PRELID2: variants seen among roughly 807,000 people sequenced by gnomAD.
PRELID2 encodes PRELI domain containing 2.
In PRELID2, 25 loss-of-function variants were observed where a neutral mutation model predicts 28.4. The ratio of observed to expected loss-of-function variants is 0.88; its 90% CI spans 0.64 to 1.23. PRELID2 has a LOEUF of 1.23. Among genes scored for constraint, PRELID2 ranks in the 50% most tolerant of loss-of-function variants. The pLI is 0.00. For missense variants in PRELID2, 201 were observed against 214.4 expected, an observed-to-expected ratio of 0.94 and a Z score of 0.39; for synonymous variants, 76 against 71.6, an observed-to-expected ratio of 1.06 and a Z score of -0.31.
chr5:145,774,221 C>T (rs1221871427), intron 5 of PRELID2, among the ~76,000 whole-genome samples: 1 of 152,186 alleles, frequency 6.6e-6, no homozygotes, highest in Non-Finnish European at 1.5e-5. Flanking sequence ...TCACCATTTC[C>T]AGGTAAGAAA....
the PRELID2 span, among the ~76,000 whole-genome samples, chr5:145,332,952 G>T: frequency 1.3e-5 from 2 of 152,108 alleles, no homozygotes; most frequent in Admixed American, 1.3e-4. Flanking sequence ...TGGGGTTTTT[G>T]TATGGACGTC....
chr5:145,455,184 T>A, the PRELID2 span, among the ~76,000 whole-genome samples: 1 of 152,176 alleles, frequency 6.6e-6, no homozygotes, highest in Non-Finnish European at 1.5e-5. Context: ...CAGTTTCAGT[T>A]TTCCAACACC....
intron 1 of PRELID2, among the ~76,000 whole-genome samples, chr5:145,556,177 C>CAAAA (rs1231402100): frequency 1.3e-4 from 8 of 61,156 alleles, no homozygotes; most frequent in South Asian, 6.6e-4. Context: ...GACTCTATCT[C>CAAAA]AAAAAAAAAA....
chr5:145,340,636 C>T, the PRELID2 span, among the ~76,000 whole-genome samples: 1 of 151,944 alleles, frequency 6.6e-6, no homozygotes, highest in African/African-American at 2.4e-5. Context: ...AGTGTGGTGG[C>T]ACATGCCTGT....
the PRELID2 span, among the ~76,000 whole-genome samples, chr5:145,365,972 T>G: frequency 6.6e-6 from 1 of 151,850 alleles, no homozygotes; most frequent in Non-Finnish European, 1.5e-5. Context: ...TCTCTAGACA[T>G]CCTGGCAAAA....
At chr5:145,770,917 G>T (rs1166313334) in intron 5 of PRELID2, among the ~76,000 whole-genome samples, 1 of 151,894 alleles carries the variant, frequency 6.6e-6, no homozygotes, top group Non-Finnish European at 1.5e-5. Flanking sequence ...GCAACCTAAG[G>T]TTATTTTGTT....
intron 1 of PRELID2, among the ~76,000 whole-genome samples, chr5:145,733,822 G>C (rs1756417172): frequency 6.6e-6 from 1 of 152,174 alleles, no homozygotes; most frequent in African/African-American, 2.4e-5. Context: ...TGGAACCTGT[G>C]AGCCTTTTAC....
the PRELID2 span, among the ~76,000 whole-genome samples, chr5:145,402,587 T>A: frequency 6.6e-6 from 1 of 152,288 alleles, no homozygotes; most frequent in East Asian, 1.9e-4. Context: ...TCTCACTGGG[T>A]GTGTGACCTT....
intron 4 of PRELID2, among the ~76,000 whole-genome samples, chr5:145,803,346 A>G (rs558908876): frequency 6.6e-6 from 1 of 152,276 alleles, no homozygotes; most frequent in East Asian, 1.9e-4. Context: ...CAGAGCTCTC[A>G]ATACATGCTA....
chr5:145,620,711 C>T (rs150747530), intron 1 of PRELID2, among the ~76,000 whole-genome samples: 15 of 151,762 alleles, frequency 9.9e-5, no homozygotes, highest in African/African-American at 3.4e-4. Flanking sequence ...TGTTAGTGCA[C>T]ACCTGTAGTC....
chr5:145,230,060 T>C, the PRELID2 span: 6 of 679,010 alleles, frequency 8.8e-6, no homozygotes, highest in African/African-American at 8.8e-5. Flanking sequence ...GATAGACCCC[T>C]GTACCATGAG....
the PRELID2 span, among the ~76,000 whole-genome samples, chr5:145,423,429 T>C: frequency 6.6e-6 from 1 of 152,194 alleles, no homozygotes; most frequent in Non-Finnish European, 1.5e-5. Context: ...GAGGCTTTGC[T>C]CATTTCTTTT....
In PRELID2 at chr5:145,758,616, C is replaced by T. The variant is rs1757333147; in HGVS notation, c.*1920G>A. Reference sequence around the variant, plus strand: ...TGAAGGGTTAAACTTACTCTAATGTCAACCTCCAAATACAAATTTCTTGCC... The same window carrying T: ...TGAAGGGTTAAACTTACTCTAATGTTAACCTCCAAATACAAATTTCTTGCC... On this transcript the variant is annotated 3_prime_UTR_variant, in exon 7 of 7. Transcript: ENST00000683046. Among the ~76,000 whole-genome samples, 1 of 152,148 alleles carries T rather than the reference C, an allele frequency of 6.6e-6. No homozygotes were observed. Among genetic ancestry groups the T allele is most frequent in the Admixed American group, 6.5e-5 (1 of 15,274 alleles).
At position 145,521,190 on chromosome 5, in the gene PRELID2, T is replaced by C. The variant is rs909979792; in HGVS notation, n.71-47875A>G. Among the ~76,000 whole-genome samples the C allele has an allele frequency of 6.6e-5, 10 of 152,346 alleles. No homozygotes were observed. The East Asian group carries it at 1.7e-3, about 26-fold the overall frequency. Reference sequence around the variant, plus strand: ...GTTGCTGAGATCCTAGTCATTCTTTTGTGGCATATTTAAATGTTCCGACCA... The same window carrying C: ...GTTGCTGAGATCCTAGTCATTCTTTCGTGGCATATTTAAATGTTCCGACCA... On this transcript the variant is annotated intron_variant and non_coding_transcript_variant, in intron 1 of 2. Coordinates refer to the PRELID2 transcript ENST00000510259.
At chr5:145,322,834 T>C in the PRELID2 span, among the ~76,000 whole-genome samples, 1 of 151,560 alleles carries the variant, frequency 6.6e-6, no homozygotes, top group Non-Finnish European at 1.5e-5. Context: ...GATCATGAGG[T>C]CAAGAAAGTA....
chr5:145,684,708 C>A (rs1755002203), intron 1 of PRELID2, among the ~76,000 whole-genome samples: 1 of 152,168 alleles, frequency 6.6e-6, no homozygotes, highest in Non-Finnish European at 1.5e-5. Context: ...CTGCTCTTAA[C>A]CACCATTATC....
At chr5:145,474,447 T>C (rs1232077915) in intron 1 of PRELID2, among the ~76,000 whole-genome samples, 1 of 152,164 alleles carries the variant, frequency 6.6e-6, no homozygotes, top group Non-Finnish European at 1.5e-5. Context: ...TTAAGGGAGA[T>C]TTATCAGGCC....
intron 1 of PRELID2, among the ~76,000 whole-genome samples, chr5:145,567,195 G>T (rs919230371): frequency 1.8e-4 from 27 of 152,074 alleles, no homozygotes; most frequent in African/African-American, 6.3e-4. Flanking sequence ...TAAAATATTA[G>T]CTTTATTACC....
At position 145,582,531 on chromosome 5, in the gene PRELID2, G is replaced by A. The variant is rs371212103; in HGVS notation, n.71-109216C>T. Reference sequence around the variant, plus strand: ...ACAAGCCAAGATGAGATTTGGGTGGGGACACAGAGCCAAATCAAAGCACTG... The same window carrying A: ...ACAAGCCAAGATGAGATTTGGGTGGAGACACAGAGCCAAATCAAAGCACTG... On this transcript the variant is annotated intron_variant and non_coding_transcript_variant, in intron 1 of 2. Transcript: ENST00000510259. 6.6e-5 allele frequency among the ~76,000 whole-genome samples: 10 copies of A among 151,992 alleles called. No homozygotes were observed. In the East Asian group the frequency reaches 9.7e-4, roughly 15 times the overall value.
Sources: allele counts gnomAD v4.1 joint callset (sites outside exome capture counted in the v4.1 genomes callset), GRCh38; gene constraint gnomAD v4.1.1; transcripts MANE v1.5; gene names NCBI Gene and HGNC (gene_info 2026-07-23, HGNC 2026-07-21).